The following COG5 variants were observed in gnomAD, a reference collection of about 807,000 sequenced individuals.
The protein encoded by COG5 is component of oligomeric golgi complex 5.
In COG5, 86 loss-of-function variants were observed where a neutral mutation model predicts 110.4. That is an observed-to-expected ratio of 0.78 (90% CI 0.65 to 0.93). The LOEUF is 0.93. Among genes scored for constraint, COG5 ranks in the 40% least tolerant of loss-of-function variants. The pLI is 0.00. For synonymous variants in COG5, 360 were observed against 334.6 expected, an observed-to-expected ratio of 1.08 and a Z score of -0.83; for missense variants, 1,077 against 987.0, an observed-to-expected ratio of 1.09 and a Z score of -1.22.
intron 8 of COG5, among the ~76,000 whole-genome samples, chr7:107,363,661 A>C (rs1226858924): frequency 2.0e-5 from 3 of 152,160 alleles, no homozygotes; most frequent in Admixed American, 2.0e-4. Context: ...CAAAACACTA[A>C]GTGAAATGTT....
intron 6 of COG5, chr7:107,475,387 C>T: frequency 9.3e-7 from 1 of 1,069,702 alleles, no homozygotes; most frequent in Non-Finnish European, 1.3e-6. Context: ...TTCACCAAAT[C>T]CACATTCAAA....
chr7:107,265,784 G>A (rs1383635282), intron 14 of COG5, among the ~76,000 whole-genome samples: 3 of 152,132 alleles, frequency 2.0e-5, no homozygotes, highest in African/African-American at 7.2e-5. Flanking sequence ...GCTGGGCATG[G>A]TGGCTCACGC....
intron 10 of COG5, among the ~76,000 whole-genome samples, chr7:107,339,322 AACTAT>A (rs528895816): frequency 3.2e-4 from 49 of 152,294 alleles, no homozygotes; most frequent in African/African-American, 1.2e-3. Flanking sequence ...AAAAAGACTT[AACTAT>A]ACTAAATATA....
intron 6 of COG5, among the ~76,000 whole-genome samples, chr7:107,523,772 G>A (rs1800514738): frequency 2.0e-5 from 3 of 151,404 alleles, no homozygotes; most frequent in Admixed American, 2.0e-4. Flanking sequence ...GCGAGATTGC[G>A]CCATTGTGCT....
At chr7:107,525,481 G>C (rs1185315768) in intron 6 of COG5, among the ~76,000 whole-genome samples, 1 of 151,856 alleles carries the variant, frequency 6.6e-6, no homozygotes, top group South Asian at 2.1e-4. Flanking sequence ...CTGATACTTG[G>C]ATTTTTACCC....
intron 6 of COG5, among the ~76,000 whole-genome samples, chr7:107,473,882 G>C (rs1420945472): frequency 5.9e-5 from 9 of 151,878 alleles, no homozygotes; most frequent in African/African-American, 2.2e-4. Context: ...ATGCAAACTT[G>C]ATGGTTCTTA....
intron 2 of COG5, among the ~76,000 whole-genome samples, chr7:107,554,566 C>A (rs1803161820): frequency 6.6e-6 from 1 of 152,090 alleles, no homozygotes; most frequent in Non-Finnish European, 1.5e-5. Context: ...TTTTCTTAGC[C>A]CTGTCTTAGT....
At chr7:107,489,116 AGTGT>A (rs1167905233) in intron 6 of COG5, among the ~76,000 whole-genome samples, 1 of 152,188 alleles carries the variant, frequency 6.6e-6, no homozygotes, top group Non-Finnish European at 1.5e-5. Flanking sequence ...GTACATTTAC[AGTGT>A]ATGTACTTTT....
At chr7:107,327,780 A>G (rs1240796073) in intron 10 of COG5, among the ~76,000 whole-genome samples, 1 of 152,200 alleles carries the variant, frequency 6.6e-6, no homozygotes, top group Admixed American at 6.5e-5. Context: ...GATGGCTACT[A>G]TAAAAAACTG....
intron 8 of COG5, among the ~76,000 whole-genome samples, chr7:107,364,639 T>C (rs1225030477): frequency 1.3e-5 from 2 of 152,160 alleles, no homozygotes; most frequent in Non-Finnish European, 2.9e-5. Context: ...GAAGAACTCA[T>C]CATTGGTTAG....
intron 6 of COG5, among the ~76,000 whole-genome samples, chr7:107,456,102 A>C (rs1030810842): frequency 6.6e-6 from 1 of 152,110 alleles, no homozygotes; most frequent in African/African-American, 2.4e-5. Context: ...CCTGGCCCAG[A>C]GCAGATATTT....
intron 10 of COG5, among the ~76,000 whole-genome samples, chr7:107,360,724 C>A (rs554962764): frequency 6.6e-6 from 1 of 152,342 alleles, no homozygotes; most frequent in South Asian, 2.1e-4. Flanking sequence ...GAGCTGCCTG[C>A]CCTGCCACAG....
At chr7:107,402,680 T>C (rs1791523346) in intron 7 of COG5, among the ~76,000 whole-genome samples, 1 of 152,094 alleles carries the variant, frequency 6.6e-6, no homozygotes. Context: ...GTATGGTGAG[T>C]AGAAAAGAGA....
chr7:107,324,234 A>G (rs1043063354), intron 11 of COG5, among the ~76,000 whole-genome samples: 1 of 152,288 alleles, frequency 6.6e-6, no homozygotes, highest in Admixed American at 6.5e-5. Context: ...CTAAATATTA[A>G]TTACTAAAAT....
At chr7:107,432,156 T>C (rs564098936) in intron 6 of COG5, among the ~76,000 whole-genome samples, 2 of 152,322 alleles carry the variant, frequency 1.3e-5, no homozygotes, top group South Asian at 4.1e-4. Flanking sequence ...ATTTTGACCA[T>C]ATCCTATCTC....
At chr7:107,343,427 T>C (rs531784322) in intron 10 of COG5, among the ~76,000 whole-genome samples, 40 of 152,268 alleles carry the variant, frequency 2.6e-4, no homozygotes, top group African/African-American at 9.4e-4. Flanking sequence ...ATGCCTGCAA[T>C]CCCAGTACTT....
At chr7:107,550,222 C>A (rs1287365514) in intron 3 of COG5, among the ~76,000 whole-genome samples, 2 of 152,172 alleles carry the variant, frequency 1.3e-5, no homozygotes, top group Non-Finnish European at 2.9e-5. Flanking sequence ...TCAACAAACC[C>A]TATCAGCTTT....
At chr7:107,208,520 G>A (rs2116164560) in intron 21 of COG5, 1 of 985,424 alleles carries the variant, frequency 1.0e-6, no homozygotes, top group East Asian at 1.1e-4. Flanking sequence ...GACTGAGTGT[G>A]TTGCAGCTGA....
intron 6 of COG5, among the ~76,000 whole-genome samples, chr7:107,415,920 G>GTATGTATATATGTGTGTA (rs1792772565): frequency 1.4e-5 from 1 of 71,326 alleles, no homozygotes; most frequent in Non-Finnish European, 3.0e-5. Flanking sequence ...GTATGTGTGT[G>GTATGTATATATGTGTGTA]TATATACACA....
Sources: gnomAD v4.1 joint callset for allele counts (sites outside exome capture counted in the v4.1 genomes callset) on GRCh38, gnomAD v4.1.1 for gene constraint, MANE v1.5 for transcripts, NCBI Gene and HGNC (gene_info 2026-07-23, HGNC 2026-07-21) for gene names.